Variants in TBC1D22A observed in about 807,000 individuals in gnomAD.
TBC1D22A encodes the protein putative GTPase activator.
Under a neutral mutation model 60.2 loss-of-function variants are expected in TBC1D22A, and 38 were observed. The ratio of observed to expected loss-of-function variants is 0.63; its 90% CI spans 0.49 to 0.83. The LOEUF is 0.83. Ranked by LOEUF, TBC1D22A falls within the 40% of genes least tolerant of loss-of-function variation. The pLI, the probability that TBC1D22A is intolerant of heterozygous loss-of-function variation, is 0.00. For synonymous variants in TBC1D22A, 302 were observed against 281.7 expected (o/e 1.07, Z -0.72); for missense variants, 628 against 701.0 (o/e 0.90, Z 1.18).
In TBC1D22A at chr22:46,792,967, G is replaced by A. The variant is rs117113641; in HGVS notation, c.119+391G>A. Among the ~76,000 whole-genome samples, 1,240 of 152,398 alleles carry A rather than the reference G, an allele frequency of 8.1e-3. 11 individuals are homozygous for A. The highest frequency in any genetic ancestry group is 0.012 in the Non-Finnish European group (827 of 68,046). ...CTGTCCTGGCCCCTCCACAGCAGGC[G>A]GGAGCGCAGAGTGTGGGGCTTGTGC... On this transcript the variant is annotated intron_variant, in intron 2 of 12. Coordinates refer to ENST00000337137, the MANE Select transcript of TBC1D22A (RefSeq NM_014346.5).
intron 12 of TBC1D22A, among the ~76,000 whole-genome samples, chr22:47,136,340 C>A (rs1181365692): frequency 1.3e-5 from 2 of 152,354 alleles, no homozygotes; most frequent in South Asian, 2.1e-4. Flanking sequence ...CGGTCTCCCC[C>A]CAACCTCAAG....
At chr22:46,987,824 T>C (rs896806250) in intron 9 of TBC1D22A, among the ~76,000 whole-genome samples, 1 of 152,184 alleles carries the variant, frequency 6.6e-6, no homozygotes, top group African/African-American at 2.4e-5. Flanking sequence ...GTTTGCCATG[T>C]CAGTGGAGTC....
At chr22:46,835,999 A>AT in intron 4 of TBC1D22A, among the ~76,000 whole-genome samples, 1 of 152,316 alleles carries the variant, frequency 6.6e-6, no homozygotes, top group Non-Finnish European at 1.5e-5. Context: ...AGCTGTCCTA[A>AT]TGAGGGCAAG....
Position 46,847,921 on chromosome 22 carries a change from GT to G in TBC1D22A, c.638-30731del, listed in dbSNP as rs869071748. Among the ~76,000 whole-genome samples, 191 of 25,914 alleles carry G rather than the reference GT, an allele frequency of 7.4e-3. 1 individual carries two copies. In the Middle Eastern group the frequency reaches 0.074, roughly 10 times the overall value. The allele number at this position is 25,914 out of a possible 152,430, so 17.0% of individuals were successfully genotyped here. Reference sequence around the variant, plus strand: ...AAATAGTCAAGGTACCCTAGTGGGTGTGTGTGTGTGTGTGTGTGTGTGTGTG... The same window carrying G: ...AAATAGTCAAGGTACCCTAGTGGGTGGTGTGTGTGTGTGTGTGTGTGTGTG... On this transcript the variant is annotated intron_variant, in intron 4 of 12. Transcript: ENST00000337137.
intron 11 of TBC1D22A, among the ~76,000 whole-genome samples, chr22:47,093,600 A>G (rs1057395310): frequency 6.6e-6 from 1 of 152,124 alleles, no homozygotes; most frequent in African/African-American, 2.4e-5. Context: ...AATAAATTGA[A>G]TATTTAAACC....
At chr22:46,825,614 C>T (rs2086020120) in intron 4 of TBC1D22A, among the ~76,000 whole-genome samples, 1 of 152,130 alleles carries the variant, frequency 6.6e-6, no homozygotes, top group Admixed American at 6.5e-5. Context: ...GCTGGGATTA[C>T]AAGCATACAC....
chr22:47,172,918 C>G (rs962445237), intron 12 of TBC1D22A, among the ~76,000 whole-genome samples: 25 of 152,244 alleles, frequency 1.6e-4, no homozygotes, highest in Non-Finnish European at 3.1e-4. Flanking sequence ...GTTCTGTGAT[C>G]CCCTCGTGTG....
intron 12 of TBC1D22A, among the ~76,000 whole-genome samples, chr22:47,122,592 G>A (rs925088459): frequency 3.9e-5 from 6 of 152,200 alleles, no homozygotes; most frequent in African/African-American, 1.4e-4. Flanking sequence ...CCCTTAGGAG[G>A]CCGCCCTAAA....
chr22:46,875,246 T>C (rs1041335552), intron 4 of TBC1D22A, among the ~76,000 whole-genome samples: 2 of 152,188 alleles, frequency 1.3e-5, no homozygotes, highest in African/African-American at 4.8e-5. Context: ...ACTGGCAACA[T>C]GTGTGACTCT....
intron 11 of TBC1D22A, among the ~76,000 whole-genome samples, chr22:47,105,237 T>TA (rs924603490): frequency 8.0e-5 from 12 of 150,788 alleles, no homozygotes; most frequent in South Asian, 2.1e-4. Context: ...TGAGTGGATT[T>TA]AAAAAAAAAA....
chr22:46,879,133 T>G (rs1602281216), intron 5 of TBC1D22A, among the ~76,000 whole-genome samples: 1 of 132,632 alleles, frequency 7.5e-6, no homozygotes, highest in East Asian at 2.2e-4. Context: ...TTTTTTTTTT[T>G]GTAAGTATTA....
At chr22:47,014,390 G>T (rs750822373) in intron 10 of TBC1D22A, among the ~76,000 whole-genome samples, 1 of 152,180 alleles carries the variant, frequency 6.6e-6, no homozygotes, top group Non-Finnish European at 1.5e-5. Flanking sequence ...GCAGGCCTCA[G>T]TCTGCGCTGC....
At chr22:46,896,182 C>A (rs1461135103) in intron 7 of TBC1D22A, among the ~76,000 whole-genome samples, 1 of 152,194 alleles carries the variant, frequency 6.6e-6, no homozygotes, top group Non-Finnish European at 1.5e-5. Flanking sequence ...AAATGTTCCT[C>A]CTGCCTTTTG....
chr22:46,847,114 G>A (rs1282709403), intron 4 of TBC1D22A, among the ~76,000 whole-genome samples: 1 of 152,204 alleles, frequency 6.6e-6, no homozygotes, highest in African/African-American at 2.4e-5. Context: ...TCTGCAGTGT[G>A]GAAAACCAGT....
In TBC1D22A at chr22:47,030,876, G is replaced by A. The variant is rs188357066; in HGVS notation, c.1202-6195G>A. Among the ~76,000 whole-genome samples, 600 of 152,362 alleles carry A rather than the reference G, an allele frequency of 3.9e-3. 4 individuals are homozygous for A. Among genetic ancestry groups the A allele is most frequent in the African/African-American group, 0.014 (562 of 41,590 alleles). ...AGCCCATCCTTCACCGTGCCCAGAC[G>A]GGAGGAGGCTTTCCCGCTGGGGATG... On this transcript the variant is annotated intron_variant, in intron 10 of 12. Transcript: ENST00000337137.
chr22:46,766,828 G>T (rs919602474), intron 1 of TBC1D22A, among the ~76,000 whole-genome samples: 4 of 152,288 alleles, frequency 2.6e-5, no homozygotes, highest in Non-Finnish European at 5.9e-5. Context: ...GAGCCACCGT[G>T]CCCGGCCCAC....
chr22:46,850,757 G>C (rs2087236797), intron 4 of TBC1D22A, among the ~76,000 whole-genome samples: 1 of 152,140 alleles, frequency 6.6e-6, no homozygotes, highest in Non-Finnish European at 1.5e-5. Flanking sequence ...AATGTTTATA[G>C]CAGCATTTTC....
intron 12 of TBC1D22A, among the ~76,000 whole-genome samples, chr22:47,126,034 T>G (rs1256240231): frequency 6.6e-6 from 1 of 152,124 alleles, no homozygotes; most frequent in Non-Finnish European, 1.5e-5. Flanking sequence ...CAGGTTGGAG[T>G]GCAGTGGCAC....
chr22:46,945,748 A>G (rs1330532410), intron 8 of TBC1D22A, among the ~76,000 whole-genome samples: 1 of 152,140 alleles, frequency 6.6e-6, no homozygotes, highest in Admixed American at 6.5e-5. Context: ...TGCTGATGCA[A>G]TATTACCTGC....
Sources: gnomAD v4.1 joint callset for allele counts (sites outside exome capture counted in the v4.1 genomes callset) on GRCh38, gnomAD v4.1.1 for gene constraint, MANE v1.5 for transcripts, NCBI Gene and HGNC (gene_info 2026-07-23, HGNC 2026-07-21) for gene names.